Variants in EFNA5 observed in about 807,000 individuals in gnomAD.
EFNA5 encodes the protein ephrin-A5.
In EFNA5, 5 loss-of-function variants were observed where a neutral mutation model predicts 22.9. The observed-to-expected ratio is 0.22, with a 90% CI of 0.11 to 0.46. The LOEUF (loss-of-function observed/expected upper bound fraction) is 0.46. Ranked by LOEUF, EFNA5 falls within the 20% of genes least tolerant of loss-of-function variation. The pLI is 0.99. For missense variants in EFNA5, 237 were observed against 293.3 expected, an observed-to-expected ratio of 0.81 and a Z score of 1.40; for synonymous variants, 113 against 112.2, an observed-to-expected ratio of 1.01 and a Z score of -0.04.
chr5:107,436,407 C>T (rs1469541429), intron 1 of EFNA5, among the ~76,000 whole-genome samples: 1 of 152,112 alleles, frequency 6.6e-6, no homozygotes, highest in Non-Finnish European at 1.5e-5. Context: ...GTCAACAGGG[C>T]CAAGTCAGCC....
intron 2 of EFNA5, among the ~76,000 whole-genome samples, chr5:107,393,884 A>C (rs879399264): frequency 7.9e-5 from 12 of 152,228 alleles, no homozygotes; most frequent in Non-Finnish European, 1.5e-4. Context: ...CAGTTTGTGT[A>C]CATGAGTGGA....
At chr5:107,519,719 T>C (rs528247023) in intron 1 of EFNA5, among the ~76,000 whole-genome samples, 26 of 152,334 alleles carry the variant, frequency 1.7e-4, no homozygotes, top group Non-Finnish European at 2.8e-4. Context: ...CACCATGACT[T>C]AGTCTAAAAA....
intron 1 of EFNA5, among the ~76,000 whole-genome samples, chr5:107,519,038 T>G (rs980067787): frequency 6.6e-6 from 1 of 152,246 alleles, no homozygotes; most frequent in African/African-American, 2.4e-5. Context: ...ATTTCTATAA[T>G]ATGTTATTAC....
At chr5:107,667,763 T>G (rs571366629) in intron 1 of EFNA5, among the ~76,000 whole-genome samples, 1 of 152,304 alleles carries the variant, frequency 6.6e-6, no homozygotes, top group East Asian at 1.9e-4. Context: ...TTAGCAAAAT[T>G]TTAACAGATA....
chr5:107,411,728 T>C (rs1427046913), intron 2 of EFNA5, among the ~76,000 whole-genome samples: 2 of 152,114 alleles, frequency 1.3e-5, no homozygotes, highest in Non-Finnish European at 1.5e-5. Flanking sequence ...ACACCAACTA[T>C]AGGCATGGCC....
At chr5:107,413,413 G>A (rs1335740503) in intron 2 of EFNA5, among the ~76,000 whole-genome samples, 1 of 152,036 alleles carries the variant, frequency 6.6e-6, no homozygotes, top group Non-Finnish European at 1.5e-5. Context: ...ACTGACATCA[G>A]GGAGAGCAAA....
rs1748716900 is a variant in EFNA5, at chr5:107,568,896, G to C, written c.125+101593C>G. ...CTTCTCGGTCTTCAGATTCAGAAATGGTGTATCTATAATAGGAACTAATTC... is the reference window on the plus strand; with the variant it reads ...CTTCTCGGTCTTCAGATTCAGAAATCGTGTATCTATAATAGGAACTAATTC... On this transcript the variant is annotated intron_variant, in intron 1 of 4. Coordinates refer to ENST00000333274, the MANE Select transcript of EFNA5 (RefSeq NM_001962.3). Among the ~76,000 whole-genome samples, 3 of 151,972 alleles carry C rather than the reference G, an allele frequency of 2.0e-5. No homozygotes were observed. The South Asian group carries it at 6.2e-4, about 32-fold the overall frequency.
chr5:107,501,787 T>C (rs1009317480), intron 1 of EFNA5, among the ~76,000 whole-genome samples: 2 of 152,156 alleles, frequency 1.3e-5, no homozygotes, highest in African/African-American at 4.8e-5. Context: ...ATTTTGTACG[T>C]GAAAAGATGG....
chr5:107,669,375 G>A (rs948445675), intron 1 of EFNA5, among the ~76,000 whole-genome samples: 2 of 151,592 alleles, frequency 1.3e-5, no homozygotes, highest in African/African-American at 4.9e-5. Context: ...CACCTAGGAG[G>A]GCACCGAGAC....
At chr5:107,544,955 A>C (rs749953332) in intron 1 of EFNA5, among the ~76,000 whole-genome samples, 1 of 152,232 alleles carries the variant, frequency 6.6e-6, no homozygotes, top group Non-Finnish European at 1.5e-5. Context: ...CTGTCATTTT[A>C]GTTATCACTG....
At chr5:107,618,184 TCTC>T (rs1415487904) in intron 1 of EFNA5, among the ~76,000 whole-genome samples, 2 of 152,224 alleles carry the variant, frequency 1.3e-5, no homozygotes, top group Non-Finnish European at 2.9e-5. Context: ...GATCAGAAAT[TCTC>T]CTCTGTTTCT....
intron 1 of EFNA5, among the ~76,000 whole-genome samples, chr5:107,669,623 C>T (rs953608227): frequency 6.6e-6 from 1 of 152,144 alleles, no homozygotes; most frequent in African/African-American, 2.4e-5. Context: ...CCGGCGCCCA[C>T]CTCTAGTCTC....
intron 2 of EFNA5, among the ~76,000 whole-genome samples, chr5:107,410,101 T>C (rs2112400653): frequency 6.6e-6 from 1 of 151,048 alleles, no homozygotes; most frequent in Admixed American, 6.6e-5. Flanking sequence ...CGATCTCGGT[T>C]CATGCAAGCT....
intron 1 of EFNA5, among the ~76,000 whole-genome samples, chr5:107,494,230 T>C (rs1401564159): frequency 6.6e-6 from 1 of 152,138 alleles, no homozygotes; most frequent in Non-Finnish European, 1.5e-5. Flanking sequence ...CTCCCTCAGC[T>C]TGCAGGGAGG....
At chr5:107,598,980 T>C (rs1351140700) in intron 1 of EFNA5, among the ~76,000 whole-genome samples, 2 of 152,096 alleles carry the variant, frequency 1.3e-5, no homozygotes, top group South Asian at 2.1e-4. Context: ...AACGCCTGGA[T>C]TGGGGGCATC....
At chr5:107,655,003 T>C (rs1047756973) in intron 1 of EFNA5, among the ~76,000 whole-genome samples, 1 of 138,196 alleles carries the variant, frequency 7.2e-6, no homozygotes, top group African/African-American at 2.5e-5. Flanking sequence ...TCAATCAACA[T>C]GCGCTCATGG....
intron 1 of EFNA5, among the ~76,000 whole-genome samples, chr5:107,642,343 C>CA (rs904282002): frequency 2.7e-5 from 4 of 146,950 alleles, no homozygotes; most frequent in Non-Finnish European, 5.9e-5. Flanking sequence ...GTTCTCACCA[C>CA]AAAAAATAAG....
chr5:107,405,508 G>A (rs1471045998), intron 2 of EFNA5, among the ~76,000 whole-genome samples: 1 of 152,088 alleles, frequency 6.6e-6, no homozygotes, highest in Non-Finnish European at 1.5e-5. Flanking sequence ...CTTCTGTAAT[G>A]CAAGTATTTA....
chr5:107,546,484 T>C (rs1477076554), intron 1 of EFNA5, among the ~76,000 whole-genome samples: 2 of 152,220 alleles, frequency 1.3e-5, no homozygotes, highest in Non-Finnish European at 2.9e-5. Flanking sequence ...ATGTACTGCG[T>C]CCGAAGCAGT....
Sources: gnomAD v4.1 joint callset for allele counts (sites outside exome capture counted in the v4.1 genomes callset) on GRCh38, gnomAD v4.1.1 for gene constraint, MANE v1.5 for transcripts, NCBI Gene and HGNC (gene_info 2026-07-23, HGNC 2026-07-21) for gene names.